The following DAW1 variants were observed in gnomAD, a reference collection of about 807,000 sequenced individuals.
DAW1 encodes dynein assembly factor with WD repeats 1.
Under a neutral mutation model 56.5 loss-of-function variants are expected in DAW1, and 47 were observed. That is an observed-to-expected ratio of 0.83 (90% CI 0.66 to 1.06). The LOEUF is 1.06. Among genes scored for constraint, DAW1 ranks in the 50% least tolerant of loss-of-function variants. The pLI is 0.00. For synonymous variants in DAW1, 190 were observed against 179.0 expected (o/e 1.06, Z -0.49); for missense variants, 505 against 499.3 (o/e 1.01, Z -0.11).
intron 4 of DAW1, among the ~76,000 whole-genome samples, chr2:227,891,968 T>C (rs1691276037): frequency 6.6e-6 from 1 of 152,054 alleles, no homozygotes; most frequent in South Asian, 2.1e-4. Flanking sequence ...TCCTGTAGCT[T>C]CTGGTGGTTT....
chr2:227,893,313 C>A (rs1353926059), intron 4 of DAW1, among the ~76,000 whole-genome samples: 1 of 150,750 alleles, frequency 6.6e-6, no homozygotes, highest in Non-Finnish European at 1.5e-5. Flanking sequence ...GGAATATATC[C>A]CAATTTAGAC....
chr2:227,897,825 T>C (rs973626838), intron 5 of DAW1, among the ~76,000 whole-genome samples: 9 of 152,196 alleles, frequency 5.9e-5, no homozygotes, highest in Non-Finnish European at 1.3e-4. Context: ...TCCATATACT[T>C]ATTAACATAA....
intron 4 of DAW1, among the ~76,000 whole-genome samples, chr2:227,891,969 C>T (rs750618786): frequency 6.6e-6 from 1 of 152,086 alleles, no homozygotes; most frequent in Non-Finnish European, 1.5e-5. Context: ...CCTGTAGCTT[C>T]TGGTGGTTTG....
rs1325775356 is a variant in DAW1 at position 227,918,179 on chromosome 2, C to CCATCATCCATCCATCCATCCATCCAT, written c.974-597_974-596insATCCATCCATCCATCCATCCATCATC. 1.1e-3 allele frequency among the ~76,000 whole-genome samples: 86 copies of CCATCATCCATCCATCCATCCATCCAT among 76,832 alleles called. 2 individuals are homozygous for CCATCATCCATCCATCCATCCATCCAT. In the Middle Eastern group the frequency reaches 0.023, roughly 21 times the overall value. The allele number at this position is 76,832 out of a possible 152,430, so 50.4% of individuals were successfully genotyped here. A position where few individuals can be genotyped will look rare whatever the true frequency, so the allele number is the denominator to read the frequency against. On this transcript the variant is annotated intron_variant, in intron 10 of 12. Coordinates refer to ENST00000309931, the MANE Select transcript of DAW1 (RefSeq NM_178821.3). ...ATCCATCCATCCATCCATCATCCATCCATCCATCCATCCATCCATCCATCC... is the reference window on the plus strand; with the variant it reads ...ATCCATCCATCCATCCATCATCCATCCATCATCCATCCATCCATCCATCCATCATCCATCCATCCATCCATCCATCC...
intron 1 of DAW1, chr2:227,876,412 G>A: frequency 1.2e-5 from 16 of 1,297,618 alleles, no homozygotes; most frequent in Non-Finnish European, 1.6e-5. Flanking sequence ...ATATTACTTA[G>A]CATGCTTGAC....
rs537727905 is a variant in DAW1 at position 227,905,104 on chromosome 2, T to C, written c.755+69T>C. The C allele has an allele frequency of 5.0e-5, 66 of 1,327,996 alleles. No individual in the cohort carries two copies. The African/African-American group carries it at 9.0e-4, about 18-fold the overall frequency. The allele number at this position is 1,327,996 out of a possible 1,614,324, so 82.3% of individuals were successfully genotyped here. On this transcript the variant is annotated intron_variant, in intron 8 of 12. Transcript: ENST00000309931. Reference sequence around the variant, plus strand: ...GTTCAGAAAACCCTCTGTTATTTTTTAGTTTAAGCTACTATCTATTAACTC... The same window carrying C: ...GTTCAGAAAACCCTCTGTTATTTTTCAGTTTAAGCTACTATCTATTAACTC...
rs36070997 is a variant in DAW1, at chr2:227,893,671, TAAAC to T, written c.318-102_318-99del. The T allele has an allele frequency of 3.4e-3, 4,747 of 1,398,044 alleles. 10 individuals carry two copies. The highest frequency in any genetic ancestry group is 3.6e-3 in the Non-Finnish European group (3,800 of 1,062,384). 86.6% of individuals were successfully genotyped at this position (1,398,044 alleles called of 1,614,324 possible). On this transcript the variant is annotated intron_variant, in intron 4 of 12. Transcript: ENST00000309931. ...TGAGTGACAGAGCGAGACTCCCTCT[TAAAC>T]AAACAAACAAACAAACAAACAGCAT... is the stretch of plus-strand genomic sequence containing the variant.
chr2:227,881,155 C>T (rs759152905), intron 1 of DAW1, among the ~76,000 whole-genome samples: 1 of 152,192 alleles, frequency 6.6e-6, no homozygotes, highest in Admixed American at 6.5e-5. Context: ...TGAAAGGCCA[C>T]GTGCTGTAAG....
chr2:227,882,220 T>A (rs1364511029), intron 1 of DAW1, among the ~76,000 whole-genome samples: 2 of 152,240 alleles, frequency 1.3e-5, no homozygotes, highest in African/African-American at 2.4e-5. Context: ...CTGGGAACCC[T>A]TGAACACTTT....
rs554280988 is a variant in DAW1, at chr2:227,877,449, G to A, written c.40+5720G>A. On this transcript the variant is annotated intron_variant, in intron 1 of 12. Transcript: ENST00000309931. ...ATTATAGGCGTGAGCCACTGCTCCCGGACTCTTTGTTTTCTGCTTTTATTC... is the reference window on the plus strand; with the variant it reads ...ATTATAGGCGTGAGCCACTGCTCCCAGACTCTTTGTTTTCTGCTTTTATTC... Among the ~76,000 whole-genome samples, 21 of 152,302 alleles carry A rather than the reference G, an allele frequency of 1.4e-4. 1 individual carries two copies. The highest frequency in any genetic ancestry group is 6.5e-4 in the Admixed American group (10 of 15,308).
Position 227,921,042 on chromosome 2 carries a change from G to A in DAW1, c.1051-357G>A, listed in dbSNP as rs142935839. Among the ~76,000 whole-genome samples the A allele has an allele frequency of 1.6e-3, 250 of 152,248 alleles. 2 individuals carry two copies. Among genetic ancestry groups the A allele is most frequent in the African/African-American group, 5.6e-3 (233 of 41,556 alleles). On this transcript the variant is annotated intron_variant, in intron 11 of 12. Coordinates refer to ENST00000309931, the MANE Select transcript of DAW1 (RefSeq NM_178821.3). ...GTTTGGCTACGAAGGATCCTGACTCGTGTGTTCATCCACACCAGGGCCCTG... is the reference window on the plus strand; with the variant it reads ...GTTTGGCTACGAAGGATCCTGACTCATGTGTTCATCCACACCAGGGCCCTG...
intron 1 of DAW1, among the ~76,000 whole-genome samples, chr2:227,879,206 C>T (rs1292040863): frequency 2.6e-5 from 4 of 152,160 alleles, no homozygotes; most frequent in South Asian, 2.1e-4. Context: ...CCACCTAACA[C>T]GTGACAGTGC....
chr2:227,905,620 G>T (rs1278302400), intron 8 of DAW1, among the ~76,000 whole-genome samples: 2 of 152,190 alleles, frequency 1.3e-5, no homozygotes, highest in Admixed American at 1.3e-4. Context: ...AACCAGGGGT[G>T]CACTCACCCG....
chr2:227,907,348 C>T, intron 10 of DAW1, 96 bp downstream of exon 10: 1 of 954,610 alleles, frequency 1.0e-6, no homozygotes, highest in South Asian at 1.7e-5. Context: ...TCTTTGATGA[C>T]CAGCTATGAT....
At chr2:227,901,311 A>G (rs1475035059) in intron 6 of DAW1, among the ~76,000 whole-genome samples, 3 of 152,086 alleles carry the variant, frequency 2.0e-5, no homozygotes, top group African/African-American at 7.3e-5. Flanking sequence ...AAAGAGGAGC[A>G]GGTTTGCATC....
chr2:227,908,543 C>A (rs1313671991), intron 10 of DAW1, among the ~76,000 whole-genome samples: 1 of 152,176 alleles, frequency 6.6e-6, no homozygotes, highest in Admixed American at 6.5e-5. Context: ...TATGTGTCAT[C>A]TCTTTGACAA....
intron 4 of DAW1, among the ~76,000 whole-genome samples, 174 bp from the exon 5 acceptor site, chr2:227,893,621 G>A (rs554931872): frequency 1.3e-5 from 2 of 152,054 alleles, no homozygotes; most frequent in East Asian, 3.9e-4. Context: ...GCAGTGCGCC[G>A]AGATCACGCC....
intron 1 of DAW1, among the ~76,000 whole-genome samples, chr2:227,875,033 G>A (rs1446137867): frequency 1.3e-5 from 2 of 152,054 alleles, no homozygotes; most frequent in African/African-American, 2.4e-5. Context: ...GAGTACCTGA[G>A]TGCCCACCCG....
At chr2:227,871,862 C>T (rs976305181) in intron 1 of DAW1, 133 bp downstream of exon 1, 12 of 1,102,504 alleles carry the variant, frequency 1.1e-5, no homozygotes, top group Non-Finnish European at 1.5e-5. Context: ...TCGGGCACTT[C>T]CCAACCTGTG....
Sources: allele counts gnomAD v4.1 joint callset (sites outside exome capture counted in the v4.1 genomes callset), GRCh38; gene constraint gnomAD v4.1.1; transcripts MANE v1.5; gene names NCBI Gene and HGNC (gene_info 2026-07-23, HGNC 2026-07-21).